Variants in DUSP16 observed in about 807,000 individuals in gnomAD.
DUSP16 encodes the protein dual specificity protein phosphatase 16.
DUSP16 carries 21 observed loss-of-function variants against 58.3 expected under a neutral mutation model. That is an observed-to-expected ratio of 0.36 (90% confidence interval 0.26 to 0.52). The LOEUF (loss-of-function observed/expected upper bound fraction) is 0.52, where lower values mean the gene tolerates loss of function less well. Ranked by LOEUF, DUSP16 falls within the 20% of genes least tolerant of loss-of-function variation. The probability of loss-of-function intolerance (pLI) is 0.94; values close to 1 mark genes in which losing one functional copy is unlikely to be tolerated. For synonymous variants in DUSP16, 320 were observed against 323.8 expected (o/e 0.99, Z 0.12); for missense variants, 726 against 819.0 (o/e 0.89, Z 1.39).
intron 3 of DUSP16, among the ~76,000 whole-genome samples, chr12:12,511,548 T>C (rs954462712): frequency 6.6e-6 from 1 of 152,096 alleles, no homozygotes; most frequent in African/African-American, 2.4e-5. Context: ...ACCCAAATCT[T>C]ACTCCTCATC....
chr12:12,485,073 G>T (rs565844302), intron 5 of DUSP16, among the ~76,000 whole-genome samples: 3 of 149,852 alleles, frequency 2.0e-5, no homozygotes, highest in Admixed American at 2.0e-4. Context: ...GCAGTGGCGC[G>T]ATCTTGGCTC....
intron 3 of DUSP16, among the ~76,000 whole-genome samples, chr12:12,507,458 T>C (rs1944013261): frequency 6.6e-6 from 1 of 152,184 alleles, no homozygotes; most frequent in Non-Finnish European, 1.5e-5. Context: ...ATGGATTCCA[T>C]GGTTATACAA....
At chr12:12,560,748 T>G (rs946297852) in intron 1 of DUSP16, 1 of 152,196 alleles carries the variant, frequency 6.6e-6, no homozygotes, top group African/African-American at 2.4e-5. Flanking sequence ...TACGAAATCT[T>G]TTCTTTTAAA....
chr12:12,501,613 G>A (rs1005770821), intron 3 of DUSP16, among the ~76,000 whole-genome samples: 1 of 151,692 alleles, frequency 6.6e-6, no homozygotes, highest in African/African-American at 2.4e-5. Flanking sequence ...TCAGATATAC[G>A]CCTTGCTATT....
intron 1 of DUSP16, among the ~76,000 whole-genome samples, chr12:12,555,091 A>G (rs1361888408): frequency 1.3e-5 from 2 of 152,376 alleles, no homozygotes; most frequent in African/African-American, 2.4e-5. Context: ...ATACCTTAGT[A>G]TTCTGAGAAG....
At chr12:12,552,372 G>C (rs1944741527) in intron 1 of DUSP16, among the ~76,000 whole-genome samples, 1 of 151,976 alleles carries the variant, frequency 6.6e-6, no homozygotes. Context: ...CTTGAACCCG[G>C]GAGGCAGAGG....
chr12:12,522,340 T>C (rs1183633568), intron 1 of DUSP16, among the ~76,000 whole-genome samples: 1 of 152,192 alleles, frequency 6.6e-6, no homozygotes, highest in Non-Finnish European at 1.5e-5. Flanking sequence ...AACCCAGACA[T>C]AGAGAGCCCT....
chr12:12,547,531 T>TAAA (rs761142479), intron 1 of DUSP16, among the ~76,000 whole-genome samples: 7 of 66,680 alleles, frequency 1.0e-4, no homozygotes, highest in Admixed American at 2.2e-4. Context: ...TGAGTAGGCT[T>TAAA]AAAAAAAAAA....
At chr12:12,562,042 G>A (rs1944911931) in intron 1 of DUSP16, 75 bp downstream of exon 1, 1 of 149,996 alleles carries the variant, frequency 6.7e-6, no homozygotes, top group African/African-American at 2.4e-5. Flanking sequence ...GCGTCCATGC[G>A]GCCGGGCGGG....
intron 1 of DUSP16, among the ~76,000 whole-genome samples, chr12:12,544,841 T>C (rs1944617837): frequency 6.6e-6 from 1 of 152,222 alleles, no homozygotes; most frequent in Non-Finnish European, 1.5e-5. Flanking sequence ...TTCTTTTTCT[T>C]TTCATACAGA....
At chr12:12,501,165 C>T (rs1442323066) in intron 3 of DUSP16, among the ~76,000 whole-genome samples, 7 of 152,200 alleles carry the variant, frequency 4.6e-5, no homozygotes, top group Admixed American at 4.6e-4. Context: ...TCTTACCATA[C>T]AAATTTTTTA....
chr12:12,499,685 C>T (rs2136211373), intron 4 of DUSP16, among the ~76,000 whole-genome samples: 1 of 152,286 alleles, frequency 6.6e-6, no homozygotes, highest in Middle Eastern at 3.4e-3. Flanking sequence ...GAAAATAGCA[C>T]TTGTAAATCA....
intron 4 of DUSP16, among the ~76,000 whole-genome samples, chr12:12,491,936 T>A (rs1943765930): frequency 6.6e-6 from 1 of 152,212 alleles, no homozygotes; most frequent in African/African-American, 2.4e-5. Flanking sequence ...CTGTCCTTCA[T>A]CCCCATGATG....
intron 4 of DUSP16, among the ~76,000 whole-genome samples, chr12:12,490,613 G>A (rs953420592): frequency 1.3e-5 from 2 of 152,106 alleles, no homozygotes; most frequent in Non-Finnish European, 2.9e-5. Flanking sequence ...TCTGATGCAG[G>A]ACCACAGCTT....
At chr12:12,512,589 G>A (rs968949723) in intron 3 of DUSP16, among the ~76,000 whole-genome samples, 2 of 151,996 alleles carry the variant, frequency 1.3e-5, no homozygotes, top group African/African-American at 4.8e-5. Context: ...TCTGTGTCTG[G>A]CTTATTTCAA....
intron 3 of DUSP16, among the ~76,000 whole-genome samples, chr12:12,504,164 T>G (rs987157178): frequency 8.5e-5 from 13 of 152,228 alleles, no homozygotes; most frequent in African/African-American, 3.1e-4. Context: ...TTTGCTTTTC[T>G]TACACCTACC....
At chr12:12,547,921 C>T (rs1461720362) in intron 1 of DUSP16, among the ~76,000 whole-genome samples, 1 of 152,156 alleles carries the variant, frequency 6.6e-6, no homozygotes, top group East Asian at 1.9e-4. Context: ...ATCACCTAGT[C>T]CATCCCTCTG....
chr12:12,483,781 A>G (rs1284734982), intron 5 of DUSP16, among the ~76,000 whole-genome samples: 1 of 152,038 alleles, frequency 6.6e-6, no homozygotes, highest in Non-Finnish European at 1.5e-5. Context: ...CTAAAAGACA[A>G]AACTCCACAT....
chr12:12,481,454 CAA>C (rs1359317532), intron 5 of DUSP16, among the ~76,000 whole-genome samples: 2 of 152,072 alleles, frequency 1.3e-5, no homozygotes, highest in African/African-American at 2.4e-5. Context: ...TAGATACTAC[CAA>C]AAGTCTACTG....
Sources: allele counts gnomAD v4.1 joint callset (sites outside exome capture counted in the v4.1 genomes callset), GRCh38; gene constraint gnomAD v4.1.1; transcripts MANE v1.5; gene names NCBI Gene and HGNC (gene_info 2026-07-23, HGNC 2026-07-21).